Variants in SLC35F4 observed in about 807,000 individuals in gnomAD.
SLC35F4 encodes the protein solute carrier family 35 member F4.
A neutral mutation model predicts 44.2 loss-of-function variants in SLC35F4; 24 were observed. The ratio of observed to expected loss-of-function variants is 0.54; its 90% CI spans 0.39 to 0.76. SLC35F4 has a LOEUF of 0.76. Ranked by LOEUF, SLC35F4 falls within the 30% of genes least tolerant of loss-of-function variation. SLC35F4 has a pLI of 0.00. For synonymous variants in SLC35F4, 238 were observed against 223.6 expected (o/e 1.06, Z -0.57); for missense variants, 562 against 586.1 (o/e 0.96, Z 0.42).
intron 1 of SLC35F4, among the ~76,000 whole-genome samples, chr14:57,686,087 C>A (rs968117665): frequency 5.9e-5 from 9 of 152,020 alleles, no homozygotes; most frequent in African/African-American, 2.2e-4. Context: ...TTGAGATGGG[C>A]GAGATTACCA....
chr14:57,887,512 CCCTCATTG>C (rs751897650), intron 1 of SLC35F4, among the ~76,000 whole-genome samples: 19 of 152,268 alleles, frequency 1.2e-4, no homozygotes, highest in Non-Finnish European at 2.4e-4. Context: ...AAACAGAGCC[CCCTCATTG>C]CCCTCTGATG....
chr14:57,707,748 T>C lies in SLC35F4; in HGVS notation c.104-113624A>G, dbSNP rs189663725. Among the ~76,000 whole-genome samples the C allele has an allele frequency of 1.7e-4, 26 of 152,274 alleles. No individual in the cohort carries two copies. In the East Asian group the frequency reaches 4.1e-3, roughly 24 times the overall value. On this transcript the variant is annotated intron_variant, in intron 1 of 7. Coordinates refer to ENST00000556826, the MANE Select transcript of SLC35F4 (RefSeq NM_001306087.2). ...GGACTCAGGAAAAGACAGGAAAATG[T>C]GGGAAAGCTTGGAACTTCCTAGAGA...
chr14:57,914,771 C>T (rs989086075), intron 1 of SLC35F4, among the ~76,000 whole-genome samples: 1 of 152,172 alleles, frequency 6.6e-6, no homozygotes, highest in Non-Finnish European at 1.5e-5. Context: ...AGGGGTTAGG[C>T]CCTCAAGGTC....
In SLC35F4 at chr14:57,594,170, T is replaced by C. The variant is rs79096272; in HGVS notation, c.104-46A>G. On this transcript the variant is annotated intron_variant, in intron 1 of 7. Transcript: ENST00000556826. ...CCAGTTTGAGAACTGCCTGAACAAA[T>C]TGGAAGTAGATTTTATTATTTATTT... 8,330 of 1,522,340 alleles carry C rather than the reference T, an allele frequency of 5.5e-3. 36 individuals carry two copies. Among genetic ancestry groups the C allele is most frequent in the Non-Finnish European group, 6.6e-3 (7,367 of 1,116,988 alleles). The allele number at this position is 1,522,340 out of a possible 1,614,324, so 94.3% of individuals were successfully genotyped here. A position where few individuals can be genotyped will look rare whatever the true frequency, so the allele number is the denominator to read the frequency against.
chr14:57,850,584 T>C (rs1886465762), intron 1 of SLC35F4, among the ~76,000 whole-genome samples: 1 of 152,224 alleles, frequency 6.6e-6, no homozygotes, highest in African/African-American at 2.4e-5. Context: ...AACTGATTCA[T>C]AGCTTTTCTT....
intron 1 of SLC35F4, among the ~76,000 whole-genome samples, chr14:57,803,870 G>A (rs895300505): frequency 2.6e-5 from 4 of 151,860 alleles, no homozygotes; most frequent in East Asian, 1.9e-4. Context: ...GATTACAGAC[G>A]TGAGCCACCC....
chr14:57,711,578 A>C (rs2075819284), intron 1 of SLC35F4, among the ~76,000 whole-genome samples: 1 of 152,010 alleles, frequency 6.6e-6, no homozygotes. Context: ...TCTGTTCCAG[A>C]ATTAACATAC....
At chr14:57,661,519 T>C (rs2074136092) in intron 1 of SLC35F4, among the ~76,000 whole-genome samples, 1 of 152,220 alleles carries the variant, frequency 6.6e-6, no homozygotes, top group South Asian at 2.1e-4. Context: ...AATGCAATGA[T>C]TGCAAGCCAA....
intron 1 of SLC35F4, among the ~76,000 whole-genome samples, chr14:57,949,883 G>A (rs1269684400): frequency 6.6e-6 from 1 of 152,182 alleles, no homozygotes; most frequent in Non-Finnish European, 1.5e-5. Context: ...AAAGGTTTCT[G>A]CTGAGAAACC....
At chr14:57,739,610 T>C (rs2076554472) in intron 1 of SLC35F4, among the ~76,000 whole-genome samples, 1 of 152,102 alleles carries the variant, frequency 6.6e-6, no homozygotes, top group Admixed American at 6.6e-5. Flanking sequence ...AAACTGCCGT[T>C]TGTGGATTGT....
chr14:57,573,558 CAGTG>C (rs530574227), intron 4 of SLC35F4, among the ~76,000 whole-genome samples: 111 of 152,210 alleles, frequency 7.3e-4, no homozygotes, highest in Admixed American at 2.0e-3. Flanking sequence ...TCAATAAACA[CAGTG>C]AGGGGGTTAT....
At chr14:57,756,555 T>C (rs1377899878) in intron 1 of SLC35F4, among the ~76,000 whole-genome samples, 1 of 151,794 alleles carries the variant, frequency 6.6e-6, no homozygotes, top group African/African-American at 2.4e-5. Flanking sequence ...ATATAAATGT[T>C]ATATAACATA....
At chr14:57,571,006 G>A (rs1391859776) in intron 5 of SLC35F4, among the ~76,000 whole-genome samples, 1 of 152,156 alleles carries the variant, frequency 6.6e-6, no homozygotes, top group Non-Finnish European at 1.5e-5. Flanking sequence ...AATGGGCCAA[G>A]AAATGTCAAT....
upstream of SLC35F4, among the ~76,000 whole-genome samples, chr14:57,868,679 T>C (rs765472903): frequency 4.6e-5 from 7 of 152,090 alleles, no homozygotes; most frequent in Non-Finnish European, 7.4e-5. Context: ...GGTTTCACCA[T>C]GTTGGCCAGA....
intron 1 of SLC35F4, among the ~76,000 whole-genome samples, chr14:57,884,679 A>C (rs1888611573): frequency 6.6e-6 from 1 of 152,212 alleles, no homozygotes; most frequent in African/African-American, 2.4e-5. Context: ...GTAAGTTCTT[A>C]AAGTTTCAAG....
At position 57,929,290 on chromosome 14, in the gene SLC35F4, G is replaced by T. The variant is rs72624753; in HGVS notation, n.282+52623C>A. On this transcript the variant is annotated intron_variant and non_coding_transcript_variant, in intron 1 of 1. Coordinates refer to the SLC35F4 transcript ENST00000556568. ...TGAAAGATGAGTAAACTAAGCAAAA[G>T]AATATGAAAATATAATACCTTTCAT... Among the ~76,000 whole-genome samples, 3,491 of 152,212 alleles carry T rather than the reference G, an allele frequency of 0.023. 433 individuals carry two copies. The East Asian group carries it at 0.4, about 17-fold the overall frequency.
At chr14:57,902,575 A>AAG (rs35482243) in intron 1 of SLC35F4, among the ~76,000 whole-genome samples, 16,821 of 149,124 alleles carry the variant, frequency 0.11, 1,172 homozygotes, top group East Asian at 0.38. Flanking sequence ...AAAAAAAAAA[A>AAG]AAGAAGAAGA....
chr14:57,779,112 AAAT>A (rs1156995740), intron 1 of SLC35F4, among the ~76,000 whole-genome samples: 7 of 151,600 alleles, frequency 4.6e-5, no homozygotes, highest in African/African-American at 1.5e-4. Context: ...AGACAAAAAA[AAAT>A]AATAATAATA....
intron 1 of SLC35F4, among the ~76,000 whole-genome samples, chr14:57,611,141 G>A (rs1444501629): frequency 6.6e-6 from 1 of 152,214 alleles, no homozygotes; most frequent in African/African-American, 2.4e-5. Context: ...CAAAGACCCT[G>A]TGGTGGGGAG....
Sources: gnomAD v4.1 joint callset for allele counts (sites outside exome capture counted in the v4.1 genomes callset) on GRCh38, gnomAD v4.1.1 for gene constraint, MANE v1.5 for transcripts, NCBI Gene and HGNC (gene_info 2026-07-23, HGNC 2026-07-21) for gene names.